Variants in ADCY6 observed in about 807,000 individuals in gnomAD.
ADCY6 encodes adenylate cyclase type 6.
In ADCY6, 59 loss-of-function variants were observed where a neutral mutation model predicts 111.6. The ratio of observed to expected loss-of-function variants is 0.53; its 90% CI spans 0.43 to 0.66. ADCY6 has a LOEUF of 0.66. Ranked by LOEUF, ADCY6 falls within the 30% of genes least tolerant of loss-of-function variation. The pLI is 0.00. For missense variants in ADCY6, 1,242 were observed against 1,595.6 expected (o/e 0.78, Z 3.78); for synonymous variants, 576 against 642.9 (o/e 0.90, Z 1.57).
At position 48,772,286 on chromosome 12, in the gene ADCY6, C is replaced by T. The variant is rs113434461; in HGVS notation, c.2787+9G>A. On this transcript the variant is annotated intron_variant, in intron 18 of 21. Coordinates refer to ENST00000357869, the MANE Select transcript of ADCY6 (RefSeq NM_015270.5). ...TTCCTCCTCTTCCCCCAAAGGCCCACACAGTCACCTGTAGTTTCCAGAGGA... is the reference window on the plus strand; with the variant it reads ...TTCCTCCTCTTCCCCCAAAGGCCCATACAGTCACCTGTAGTTTCCAGAGGA... The T allele has an allele frequency of 1.2e-5, 19 of 1,608,846 alleles. No homozygotes were observed. The highest frequency in any genetic ancestry group is 9.3e-5 in the African/African-American group (7 of 74,946).
chr12:48,777,989 C>T lies in ADCY6; in HGVS notation c.1014+119G>A. 1 of 1,417,624 alleles carries T rather than the reference C, an allele frequency of 7.1e-7. No homozygotes were observed. The highest frequency in any genetic ancestry group is 1.4e-5 in the African/African-American group (1 of 70,372). 87.8% of individuals were successfully genotyped at this position (1,417,624 alleles called of 1,614,324 possible). A position where few individuals can be genotyped will look rare whatever the true frequency, so the allele number is the denominator to read the frequency against. On this transcript the variant is annotated intron_variant, in intron 3 of 21. Coordinates refer to ENST00000357869, the MANE Select transcript of ADCY6 (RefSeq NM_015270.5). This position sits in a 1 kb window ranked among gnomAD's most constrained non-coding sequence, Gnocchi z 4.9. Reference sequence around the variant, plus strand: ...CCAGTATCACAGGGCCTCTGTGACGCACAACCCAGGGGAACCATCACACTG... The same window carrying T: ...CCAGTATCACAGGGCCTCTGTGACGTACAACCCAGGGGAACCATCACACTG...
At position 48,776,954 on chromosome 12, in the gene ADCY6, G is replaced by A; in HGVS notation, c.1376+150C>T. The A allele has an allele frequency of 7.8e-7, 1 of 1,284,264 alleles. No homozygotes were observed. Among genetic ancestry groups the A allele is most frequent in the Non-Finnish European group, 1.1e-6 (1 of 939,660 alleles). The allele number at this position is 1,284,264 out of a possible 1,614,324, so 79.6% of individuals were successfully genotyped here. On this transcript the variant is annotated intron_variant, in intron 6 of 21. Transcript: ENST00000357869. The surrounding 1 kb of genome is among the most constrained non-coding windows in gnomAD (Gnocchi z 6.1). ...GGGGTCCGCATGGGTCTTTGCACAG[G>A]TTGGAGAAAGATTCCCCTTCCCAGT... is the stretch of plus-strand genomic sequence containing the variant.
Position 48,771,479 on chromosome 12 carries a change from C to T in ADCY6, c.3051+231G>A. ...TATCCTATCCCCCTACAGATCAAGT[C>T]CTCCCCTGCTCCCCAACAGTGATGA... On this transcript the variant is annotated intron_variant, in intron 19 of 21. Transcript: ENST00000357869. This position sits in a 1 kb window ranked among gnomAD's most constrained non-coding sequence, Gnocchi z 4.3. The T allele has an allele frequency of 4.5e-6, 3 of 662,578 alleles. No individual in the cohort carries two copies. The highest frequency in any genetic ancestry group is 1.7e-5 in the South Asian group (1 of 58,548). The allele number at this position is 662,578 out of a possible 1,614,324, so 41.0% of individuals were successfully genotyped here.
chr12:48,782,914 G>T lies in ADCY6; in HGVS notation c.521C>A (p.Ala174Asp). The T allele has an allele frequency of 6.2e-7, 1 of 1,613,520 alleles. No individual in the cohort carries two copies. The highest frequency in any genetic ancestry group is 8.5e-7 in the Non-Finnish European group (1 of 1,179,918). ...AVLLAFHAAPARPQPAYVALL... is the reference protein window; with the variant it reads ...AVLLAFHAAPDRPQPAYVALL... ...TGCCACATAGGCAGGCTGAGGGCGG[G>T]CGGGTGCGGCGTGGAAAGCCAGCAG... Residue 174 changes from alanine (A) to aspartate (D), a missense_variant, in exon 2 of 22, where the codon GCC becomes GAC. Coordinates refer to ENST00000357869, the MANE Select transcript of ADCY6 (RefSeq NM_015270.5). This position sits in a 1 kb window ranked among gnomAD's most constrained non-coding sequence, Gnocchi z 4.3.
At chr12:48,783,760 C>G in intron 1 of ADCY6, 1 of 367,006 alleles carries the variant, frequency 2.7e-6, no homozygotes, top group South Asian at 3.2e-5. Context: ...CTGGGCAATA[C>G]AGCAAGACCC....
chr12:48,779,043 A>G (rs531017135), intron 2 of ADCY6, among the ~76,000 whole-genome samples: 16 of 151,538 alleles, frequency 1.1e-4, no homozygotes, highest in African/African-American at 3.9e-4. Context: ...ATGACTGGCT[A>G]ATTTTTGTAT....
At chr12:48,775,896 G>T in intron 9 of ADCY6, 67 bp downstream of exon 9, 1 of 1,553,344 alleles carries the variant, frequency 6.4e-7, no homozygotes, top group Non-Finnish European at 8.7e-7. Context: ...AAAGGACAGG[G>T]TCAGGGACAG....
rs1941908934 is a variant in ADCY6, at chr12:48,783,404, T to C, written c.31A>G (p.Lys11Glu). The C allele has an allele frequency of 5.0e-6, 8 of 1,614,092 alleles. No individual in the cohort carries two copies. Among genetic ancestry groups the C allele is most frequent in the South Asian group, 4.4e-5 (4 of 91,090 alleles). The part of the protein sequence containing the change: MSWFSGLLVP[K>E]VDERKTAWGE... ...CAGGCTGTTTTCCGTTCATCCACTT[T>C]AGGGACCAGGAGGCCACTAAACCAT... Residue 11 changes from lysine (K) to glutamate (E), a missense_variant, in exon 2 of 22, where the codon AAA becomes GAA. By Grantham distance (56) the Lys-to-Glu change is moderately conservative. Coordinates refer to ENST00000357869, the MANE Select transcript of ADCY6 (RefSeq NM_015270.5).
intron 10 of ADCY6, 95 bp from the exon 11 acceptor site, chr12:48,775,545 G>GGAGA: frequency 6.3e-7 from 1 of 1,582,364 alleles, no homozygotes; most frequent in Non-Finnish European, 8.7e-7. Context: ...AGGGAGGGAG[G>GGAGA]GAGAGCCAGG....
At chr12:48,775,939 G>A (rs764632531) in intron 9 of ADCY6, 24 bp downstream of exon 9, 28 of 1,584,234 alleles carry the variant, frequency 1.8e-5, no homozygotes, top group Non-Finnish European at 2.2e-5. Context: ...TGAGGCCCTA[G>A]GTCTGGTGCT....
In ADCY6 at chr12:48,771,893, C is replaced by T; in HGVS notation, c.2868G>A (p.Val956=). ...RLLHNILPKD[V]AAHFLARERR... ...GCTCCCGGGCCAGGAAGTGGGCCGC[C>T]ACGTCCTTGGGCAGAATGTTATGCA... is the stretch of plus-strand genomic sequence containing the variant. Residue 956 remains valine, a synonymous_variant, in exon 19 of 22, where the codon GTG becomes GTA. Transcript: ENST00000357869. The surrounding 1 kb of genome is among the most constrained non-coding windows in gnomAD (Gnocchi z 4.3). 1 of 1,614,192 alleles carries T rather than the reference C, an allele frequency of 6.2e-7. No homozygotes were observed. The highest frequency in any genetic ancestry group is 8.5e-7 in the Non-Finnish European group (1 of 1,180,052).
chr12:48,786,230 C>T (rs1171028107), intron 1 of ADCY6, among the ~76,000 whole-genome samples: 1 of 152,146 alleles, frequency 6.6e-6, no homozygotes, highest in African/African-American at 2.4e-5. Context: ...AAGCAGACAC[C>T]CAGGGACCCA....
intron 18 of ADCY6, 43 bp downstream of exon 18, chr12:48,772,252 G>A (rs761056051): frequency 1.3e-5 from 20 of 1,574,836 alleles, no homozygotes; most frequent in Admixed American, 1.1e-4. Flanking sequence ...CCCAGGCTCC[G>A]CCCCTAGGTT....
chr12:48,769,026 C>T lies in ADCY6; in HGVS notation c.3292G>A (p.Gly1098Arg). 1.2e-6 allele frequency: 2 copies of T among 1,611,428 alleles called. No homozygotes were observed. The highest frequency in any genetic ancestry group is 1.7e-5 in the Admixed American group (1 of 59,772). ...NMGPVVAGVI[G>R]ARKPQYDIWG... is the part of the protein sequence containing the mutation. ...ATGTCATACTGTGGCTTCCGAGCCC[C>T]GATGACACCTGCCACGACTGGGCCC... The change falls in exon 21 of 22, where the codon GGG becomes AGG. Residue 1098 changes from glycine (G) to arginine (R), a missense_variant. Coordinates refer to ENST00000357869, the MANE Select transcript of ADCY6 (RefSeq NM_015270.5).
In ADCY6 at chr12:48,771,575, G is replaced by A; in HGVS notation, c.3051+135C>T. 2.1e-6 allele frequency: 3 copies of A among 1,427,024 alleles called. No individual in the cohort carries two copies. The highest frequency in any genetic ancestry group is 2.3e-5 in the South Asian group (2 of 85,836). The allele number at this position is 1,427,024 out of a possible 1,614,324, so 88.4% of individuals were successfully genotyped here. Reference sequence around the variant, plus strand: ...ATGGGTTCTTGCCTCTGCCTCCACTGTGCATACCCTTACCCCTGATGACTC... The same window carrying A: ...ATGGGTTCTTGCCTCTGCCTCCACTATGCATACCCTTACCCCTGATGACTC... On this transcript the variant is annotated intron_variant, in intron 19 of 21. Coordinates refer to ENST00000357869, the MANE Select transcript of ADCY6 (RefSeq NM_015270.5). This position sits in a 1 kb window ranked among gnomAD's most constrained non-coding sequence, Gnocchi z 4.3.
At position 48,768,430 on chromosome 12, in the gene ADCY6, G is replaced by GGCAGAC. The variant is rs1166870495; in HGVS notation, c.*155_*160dup. 4.9e-6 allele frequency: 5 copies of GGCAGAC among 1,020,370 alleles called. No individual in the cohort carries two copies. Among genetic ancestry groups the GGCAGAC allele is most frequent in the East Asian group, 2.6e-5 (1 of 38,630 alleles). 63.2% of individuals were successfully genotyped at this position (1,020,370 alleles called of 1,614,324 possible). A position where few individuals can be genotyped will look rare whatever the true frequency, so the allele number is the denominator to read the frequency against. On this transcript the variant is annotated 3_prime_UTR_variant, in exon 22 of 22. Transcript: ENST00000357869. ...GTAGCCCCTTGTTTTCCAGCTTGAG[G>GGCAGAC]GCAGACGAGCATGATCCAAGCACAG...
At position 48,778,213 on chromosome 12, in the gene ADCY6, G is replaced by A; in HGVS notation, c.909C>T (p.Gly303=). 6.2e-7 allele frequency: 1 copy of A among 1,614,160 alleles called. No homozygotes were observed. The highest frequency in any genetic ancestry group is 1.6e-4 in the Middle Eastern group (1 of 6,062). Residue 303 remains glycine (G), a synonymous_variant, in exon 3 of 22, where the codon GGC becomes GGT. Coordinates refer to ENST00000357869, the MANE Select transcript of ADCY6 (RefSeq NM_015270.5). ...VLLFLCTNVI[G]ICTHYPAEVS... ...CCTCTGCTGGATAGTGTGTGCAGAT[G>A]CCAATGACGTTGGTGCAGAGGAACA... is the stretch of plus-strand genomic sequence containing the variant.
intron 2 of ADCY6, among the ~76,000 whole-genome samples, chr12:48,778,900 A>G (rs1285135672): frequency 3.7e-4 from 3 of 8,014 alleles, no homozygotes; most frequent in African/African-American, 9.6e-4. Context: ...TTTTTTTTTG[A>G]CAGAGCCTTG....
chr12:48,776,985 A>G lies in ADCY6; in HGVS notation c.1376+119T>C. 1 of 1,404,682 alleles carries G rather than the reference A, an allele frequency of 7.1e-7. No individual in the cohort carries two copies. The highest frequency in any genetic ancestry group is 9.6e-7 in the Non-Finnish European group (1 of 1,044,778). 87.0% of individuals were successfully genotyped at this position (1,404,682 alleles called of 1,614,324 possible). A position where few individuals can be genotyped will look rare whatever the true frequency, so the allele number is the denominator to read the frequency against. ...GAAAGATTCCCCTTCCCAGTGACAG[A>G]CAGACCTCAAAGACAGAGAAAGCCA... is the stretch of plus-strand genomic sequence containing the variant. On this transcript the variant is annotated intron_variant, in intron 6 of 21. Transcript: ENST00000357869. This position sits in a 1 kb window ranked among gnomAD's most constrained non-coding sequence, Gnocchi z 6.1.
Sources: gnomAD v4.1 joint callset for allele counts (sites outside exome capture counted in the v4.1 genomes callset) on GRCh38, gnomAD v4.1.1 for gene constraint, Gnocchi (gnomAD v3.1) non-coding constraint, MANE v1.5 for transcripts, NCBI Gene and HGNC (gene_info 2026-07-23, HGNC 2026-07-21) for gene names.